SLC10A7: variants seen among roughly 807,000 people sequenced by gnomAD.
The protein encoded by SLC10A7 is sodium/bile acid cotransporter 7.
A neutral mutation model predicts 43.2 loss-of-function variants in SLC10A7; 29 were observed. The observed-to-expected ratio is 0.67, with a 90% confidence interval of 0.50 to 0.92. The LOEUF is 0.92. SLC10A7 is among the 40% of genes least tolerant of loss of function. SLC10A7 has a pLI of 0.00. For synonymous variants in SLC10A7, 152 were observed against 144.8 expected (o/e 1.05, Z -0.35); for missense variants, 295 against 403.2 (o/e 0.73, Z 2.30).
At chr4:146,407,411 G>A (rs879820223) in intron 5 of SLC10A7, among the ~76,000 whole-genome samples, 4 of 151,738 alleles carry the variant, frequency 2.6e-5, no homozygotes, top group South Asian at 4.2e-4. Flanking sequence ...TGAGATCTAC[G>A]CTCTTTACAA....
Position 146,521,621 on chromosome 4 carries a change from C to A in SLC10A7, c.97G>T (p.Gly33Trp). 1 of 1,613,326 alleles carries A rather than the reference C, an allele frequency of 6.2e-7. No individual in the cohort carries two copies. The highest frequency in any genetic ancestry group is 8.5e-7 in the Non-Finnish European group (1 of 1,179,310). The change falls in exon 1 of 12, where the codon GGG becomes TGG. Residue 33 changes from glycine (G) to tryptophan (W), a missense_variant. Gly to Trp is a radical substitution (Grantham distance 184). Coordinates refer to ENST00000335472, the MANE Select transcript of SLC10A7 (RefSeq NM_001029998.6). ...AKLEPSIGVN[G>W]GPLKPEITVS... ...CCGGCAGAGGTGCAGCACTTACCCC[C>A]ATTCACCCCTATGGACGGCTCCAGT...
chr4:146,374,400 G>T (rs1021016527), intron 5 of SLC10A7, among the ~76,000 whole-genome samples: 1 of 151,706 alleles, frequency 6.6e-6, no homozygotes, highest in Non-Finnish European at 1.5e-5. Context: ...ACTAGCCTGG[G>T]CAACATGGTG....
intron 3 of SLC10A7, among the ~76,000 whole-genome samples, chr4:146,504,936 T>C (rs1199080574): frequency 6.6e-6 from 1 of 152,196 alleles, no homozygotes; most frequent in Non-Finnish European, 1.5e-5. Context: ...ATAAATTGCA[T>C]AACAAGCAAA....
chr4:146,333,534 A>G (rs929585630), intron 5 of SLC10A7, among the ~76,000 whole-genome samples: 3 of 152,168 alleles, frequency 2.0e-5, no homozygotes, highest in Non-Finnish European at 4.4e-5. Flanking sequence ...CAGGCAAAGG[A>G]GTCAGAACAG....
chr4:146,487,105 C>A (rs1429008870), intron 4 of SLC10A7, among the ~76,000 whole-genome samples: 6 of 152,180 alleles, frequency 3.9e-5, no homozygotes, highest in African/African-American at 1.4e-4. Flanking sequence ...CTACTAGACC[C>A]ATTCTCTTGT....
At chr4:146,275,282 C>T (rs1034135577) in intron 10 of SLC10A7, among the ~76,000 whole-genome samples, 2 of 152,156 alleles carry the variant, frequency 1.3e-5, no homozygotes, top group African/African-American at 4.8e-5. Context: ...GCTCAAGATT[C>T]TAAAGCTACA....
At chr4:146,260,845 C>T (rs1014203478) in intron 10 of SLC10A7, among the ~76,000 whole-genome samples, 7 of 152,162 alleles carry the variant, frequency 4.6e-5, no homozygotes, top group African/African-American at 1.7e-4. Context: ...CCTTGAAGAC[C>T]TCCCAGAAGC....
chr4:146,279,363 G>A (rs1729402096), intron 10 of SLC10A7, among the ~76,000 whole-genome samples: 1 of 152,124 alleles, frequency 6.6e-6, no homozygotes, highest in Non-Finnish European at 1.5e-5. Flanking sequence ...AAATAAGATG[G>A]TAGTAAAATG....
chr4:146,323,981 T>G (rs139048850), intron 6 of SLC10A7, among the ~76,000 whole-genome samples: 4,371 of 152,220 alleles, frequency 0.029, 198 homozygotes, highest in African/African-American at 0.099. Context: ...AAAGTCTCAG[T>G]ATACAAAATC....
chr4:146,378,319 T>G (rs750544098), intron 5 of SLC10A7, among the ~76,000 whole-genome samples: 2 of 152,162 alleles, frequency 1.3e-5, no homozygotes, highest in Admixed American at 1.3e-4. Flanking sequence ...TTAGAAAACA[T>G]GGGAGAATAA....
chr4:146,359,641 T>C (rs951247465), intron 5 of SLC10A7, among the ~76,000 whole-genome samples: 2 of 152,176 alleles, frequency 1.3e-5, no homozygotes, highest in Non-Finnish European at 2.9e-5. Context: ...TAATAAATCT[T>C]ATATTTGGCT....
intron 10 of SLC10A7, among the ~76,000 whole-genome samples, chr4:146,266,306 C>G (rs1336520336): frequency 2.0e-5 from 3 of 152,138 alleles, no homozygotes; most frequent in Non-Finnish European, 2.9e-5. Context: ...TAGATGGTCC[C>G]TTTAAGCACA....
At chr4:146,263,674 G>A (rs1324250589) in intron 10 of SLC10A7, among the ~76,000 whole-genome samples, 2 of 152,172 alleles carry the variant, frequency 1.3e-5, no homozygotes, top group Non-Finnish European at 2.9e-5. Context: ...TAGACTTTAT[G>A]AGATGGCATT....
At chr4:146,256,551 G>T (rs915698613) in intron 11 of SLC10A7, 31 bp from the exon 12 acceptor site, 2 of 1,612,954 alleles carry the variant, frequency 1.2e-6, no homozygotes, top group East Asian at 4.5e-5. Context: ...TTCAGAGTTG[G>T]ACAGTATCCA....
At chr4:146,325,105 C>T (rs62327855) in intron 6 of SLC10A7, among the ~76,000 whole-genome samples, 26,359 of 152,082 alleles carry the variant, frequency 0.17, 2,892 homozygotes, top group South Asian at 0.28. Flanking sequence ...TAAATTTTCC[C>T]CATAGTTTTA....
chr4:146,307,403 G>A (rs1470662168), intron 6 of SLC10A7, among the ~76,000 whole-genome samples: 1 of 152,150 alleles, frequency 6.6e-6, no homozygotes, highest in Non-Finnish European at 1.5e-5. Context: ...GATTCCTGGT[G>A]TGTTACATGT....
chr4:146,501,377 T>C (rs1736400520), intron 4 of SLC10A7, among the ~76,000 whole-genome samples: 1 of 152,204 alleles, frequency 6.6e-6, no homozygotes, highest in Non-Finnish European at 1.5e-5. Context: ...TTCACTAATG[T>C]CAGTTCCTTT....
intron 5 of SLC10A7, among the ~76,000 whole-genome samples, chr4:146,378,216 T>C (rs192239329): frequency 2.6e-5 from 4 of 152,308 alleles, no homozygotes; most frequent in African/African-American, 9.6e-5. Flanking sequence ...GATGCTTTCT[T>C]GCGCCAAAAA....
At chr4:146,364,448 G>A (rs1736258810) in intron 5 of SLC10A7, among the ~76,000 whole-genome samples, 1 of 151,996 alleles carries the variant, frequency 6.6e-6, no homozygotes, top group Non-Finnish European at 1.5e-5. Context: ...AAACTATTCC[G>A]AAAAATTGAG....
Sources: allele counts gnomAD v4.1 joint callset (sites outside exome capture counted in the v4.1 genomes callset), GRCh38; gene constraint gnomAD v4.1.1; transcripts MANE v1.5; gene names NCBI Gene and HGNC (gene_info 2026-07-23, HGNC 2026-07-21).